PCM1: variants seen among roughly 807,000 people sequenced by gnomAD.
PCM1 encodes pericentriolar material 1.
In PCM1, 157 loss-of-function variants were observed where a neutral mutation model predicts 241.9. The ratio of observed to expected loss-of-function variants is 0.65; its 90% confidence interval spans 0.57 to 0.74. PCM1 has a LOEUF of 0.74. Among genes scored for constraint, PCM1 ranks in the 30% least tolerant of loss-of-function variants. The pLI, the probability that PCM1 is intolerant of heterozygous loss-of-function variation, is 0.00. For synonymous variants in PCM1, 1,085 were observed against 784.9 expected (o/e 1.38, Z -6.39); for missense variants, 3,478 against 2,360.1 (o/e 1.47, Z -9.81).
intron 36 of PCM1, among the ~76,000 whole-genome samples, chr8:18,015,547 C>T (rs772949130): frequency 6.6e-6 from 1 of 152,048 alleles, no homozygotes; most frequent in Admixed American, 6.5e-5. Flanking sequence ...TAATTGCAAA[C>T]CAAGCAAATA....
Position 17,964,619 on chromosome 8 carries a change from A to C in PCM1, c.2706A>C (p.Gly902=). The C allele has an allele frequency of 1.9e-6, 3 of 1,613,902 alleles. No individual in the cohort carries two copies. The highest frequency in any genetic ancestry group is 2.5e-6 in the Non-Finnish European group (3 of 1,179,860). The change falls in exon 18 of 39, where the codon GGA becomes GGC. Residue 902 remains glycine (G), a synonymous_variant. Coordinates refer to ENST00000325083, the MANE Select transcript of PCM1 (RefSeq NM_006197.4). The part of the protein sequence containing the change: ...GSTQCALDEE[G]DEDGYLSEGI... ...CCCAGTGTGCACTAGATGAAGAAGGAGATGAAGACGGTTACCTTTCTGAAG... is the reference window on the plus strand; with the variant it reads ...CCCAGTGTGCACTAGATGAAGAAGGCGATGAAGACGGTTACCTTTCTGAAG...
chr8:18,011,691 C>T lies in PCM1; in HGVS notation c.5375C>T (p.Ala1792Val). The change falls in exon 34 of 39, where the codon GCT becomes GTT. Residue 1792 changes from alanine to valine, a missense_variant. Ala to Val is a moderately conservative substitution (Grantham distance 64, BLOSUM62 0). Coordinates refer to ENST00000325083, the MANE Select transcript of PCM1 (RefSeq NM_006197.4). ...GATTTGTCTAAAGCTGAAACTCAGG[C>T]TTTAACTAATTATGGAAGTGGAGAA... Reference protein sequence around the residue: ...SINLSKAETQALTNYGSGEDE... With the variant: ...SINLSKAETQVLTNYGSGEDE... 3.7e-6 allele frequency: 6 copies of T among 1,611,196 alleles called. No homozygotes were observed. The highest frequency in any genetic ancestry group is 5.1e-6 in the Non-Finnish European group (6 of 1,178,592).
intron 9 of PCM1, among the ~76,000 whole-genome samples, chr8:17,955,130 G>T (rs568908849): frequency 6.6e-6 from 1 of 152,112 alleles, no homozygotes; most frequent in African/African-American, 2.4e-5. Flanking sequence ...AAGTTTACTC[G>T]TTAGTTAAAA....
intron 2 of PCM1, among the ~76,000 whole-genome samples, chr8:17,932,437 A>G (rs1034998865): frequency 2.6e-5 from 4 of 152,110 alleles, no homozygotes; most frequent in African/African-American, 9.7e-5. Context: ...TGTCATTAGG[A>G]TTAGATAATA....
chr8:17,929,211 GGTAACT>G (rs2058181245), intron 2 of PCM1, among the ~76,000 whole-genome samples: 1 of 152,074 alleles, frequency 6.6e-6, no homozygotes, highest in Non-Finnish European at 1.5e-5. Flanking sequence ...TATCTGGCAA[GGTAACT>G]GTTTGGTTTC....
chr8:17,999,038 T>G (rs940674462), intron 29 of PCM1, among the ~76,000 whole-genome samples: 4 of 152,108 alleles, frequency 2.6e-5, no homozygotes, highest in Non-Finnish European at 5.9e-5. Context: ...GGACTCACCC[T>G]TCAGGGCAGT....
At chr8:18,013,198 C>G (rs533847647) in intron 34 of PCM1, among the ~76,000 whole-genome samples, 71 of 152,242 alleles carry the variant, frequency 4.7e-4, no homozygotes, top group African/African-American at 1.7e-3. Context: ...TATTCTGAAG[C>G]TAGATTGGGA....
chr8:17,986,211 T>C, intron 26 of PCM1, 124 bp downstream of exon 26: 3 of 652,780 alleles, frequency 4.6e-6, no homozygotes, highest in Non-Finnish European at 7.2e-6. Flanking sequence ...TTTTTAAAAC[T>C]TGGGTATAAT....
intron 36 of PCM1, among the ~76,000 whole-genome samples, chr8:18,015,271 A>C (rs1044097237): frequency 5.3e-5 from 8 of 151,452 alleles, no homozygotes; most frequent in Non-Finnish European, 8.8e-5. Flanking sequence ...AAAAACTAGG[A>C]AATCTGTACT....
intron 2 of PCM1, among the ~76,000 whole-genome samples, chr8:17,930,642 G>T (rs893493184): frequency 6.6e-6 from 1 of 151,780 alleles, no homozygotes; most frequent in Non-Finnish European, 1.5e-5. Flanking sequence ...ACTTTGGGAG[G>T]CCGAGGCGGG....
intron 30 of PCM1, among the ~76,000 whole-genome samples, chr8:18,008,115 G>T (rs1389623536): frequency 1.3e-5 from 2 of 152,100 alleles, no homozygotes; most frequent in Non-Finnish European, 2.9e-5. Flanking sequence ...TATATCAGGG[G>T]TCCCCAACCC....
In PCM1 at chr8:18,029,748, C is replaced by T. The variant is rs1257930248; in HGVS notation, c.*2086C>T. 1 of 195,068 alleles carries T rather than the reference C, an allele frequency of 5.1e-6. No homozygotes were observed. The highest frequency in any genetic ancestry group is 2.3e-5 in the African/African-American group (1 of 43,194). The allele number at this position is 195,068 out of a possible 1,614,324, so 12.1% of individuals were successfully genotyped here. A position where few individuals can be genotyped will look rare whatever the true frequency, so the allele number is the denominator to read the frequency against. ...TTAGGCATTCAGTATTCCTATTTGT[C>T]CTAATTTTGAAGTTAAAAATTTTGG... On this transcript the variant is annotated 3_prime_UTR_variant, in exon 39 of 39. Coordinates refer to ENST00000325083, the MANE Select transcript of PCM1 (RefSeq NM_006197.4).
In PCM1 at chr8:17,972,617, A is replaced by G. The variant is rs1042367026; in HGVS notation, c.3873A>G (p.Lys1291=). The change falls in exon 23 of 39, where the codon AAA becomes AAG. Residue 1291 remains lysine, a synonymous_variant. Coordinates refer to ENST00000325083, the MANE Select transcript of PCM1 (RefSeq NM_006197.4). The stretch of plus-strand genomic sequence containing the variant: ...CTGCACAGGCCAGCCTGGCATCTAA[A>G]GATAAAACTCCCAAGTCAAAAAGTA... ...KASAQASLAS[K]DKTPKSKSKK... The G allele has an allele frequency of 1.9e-6, 3 of 1,589,390 alleles. No individual in the cohort carries two copies. Among genetic ancestry groups the G allele is most frequent in the Non-Finnish European group, 8.5e-7 (1 of 1,172,086 alleles).
At chr8:18,006,707 G>A (rs1057499849) in intron 30 of PCM1, among the ~76,000 whole-genome samples, 1 of 152,128 alleles carries the variant, frequency 6.6e-6, no homozygotes, top group Non-Finnish European at 1.5e-5. Flanking sequence ...AAAGTATTCT[G>A]TGGCTGTTTC....
chr8:17,954,866 G>A (rs1239015005), intron 9 of PCM1, among the ~76,000 whole-genome samples: 1 of 152,108 alleles, frequency 6.6e-6, no homozygotes, highest in Non-Finnish European at 1.5e-5. Context: ...TAAATAGCAG[G>A]TTTTTATTGC....
chr8:18,015,955 C>T (rs1488321234), intron 36 of PCM1, among the ~76,000 whole-genome samples: 1 of 152,206 alleles, frequency 6.6e-6, no homozygotes, highest in Non-Finnish European at 1.5e-5. Context: ...GTGGCGCGAT[C>T]TCGGCTCACT....
chr8:18,022,873 C>T (rs1049026570), intron 36 of PCM1, among the ~76,000 whole-genome samples: 1 of 152,142 alleles, frequency 6.6e-6, no homozygotes, highest in African/African-American at 2.4e-5. Context: ...ATGGAATACC[C>T]CTGTAGTTTC....
At chr8:18,009,359 A>T (rs2092089089) in intron 30 of PCM1, among the ~76,000 whole-genome samples, 188 bp from the exon 31 acceptor site, 1 of 152,214 alleles carries the variant, frequency 6.6e-6, no homozygotes, top group African/African-American at 2.4e-5. Flanking sequence ...TCCCTTGTGT[A>T]TACTCTTTAA....
intron 28 of PCM1, 144 bp from the exon 29 acceptor site, chr8:17,993,339 G>A: frequency 2.2e-6 from 1 of 456,234 alleles, no homozygotes; most frequent in Non-Finnish European, 3.7e-6. Flanking sequence ...TAATTGATAG[G>A]GGTGCTTAAA....
Sources: allele counts gnomAD v4.1 joint callset (sites outside exome capture counted in the v4.1 genomes callset), GRCh38; gene constraint gnomAD v4.1.1; transcripts MANE v1.5; gene names NCBI Gene and HGNC (gene_info 2026-07-23, HGNC 2026-07-21).